APBA2: variants seen among roughly 807,000 people sequenced by gnomAD.
APBA2 encodes the protein amyloid-beta A4 precursor protein-binding family A member 2.
APBA2 carries 30 observed loss-of-function variants against 75.0 expected under a neutral mutation model. That is an observed-to-expected ratio of 0.40 (90% CI 0.30 to 0.54). The LOEUF (loss-of-function observed/expected upper bound fraction) is 0.54, where lower values mean the gene tolerates loss of function less well. Ranked by LOEUF, APBA2 falls within the 20% of genes least tolerant of loss-of-function variation. The pLI, the probability that APBA2 is intolerant of heterozygous loss-of-function variation, is 0.49. For synonymous variants in APBA2, 444 were observed against 409.6 expected, an observed-to-expected ratio of 1.08 and a Z score of -1.01; for missense variants, 801 against 1,016.1, an observed-to-expected ratio of 0.79 and a Z score of 2.88.
At chr15:28,896,980 T>C (rs971816335) in intron 1 of APBA2, among the ~76,000 whole-genome samples, 2 of 152,108 alleles carry the variant, frequency 1.3e-5, no homozygotes, top group African/African-American at 4.8e-5. Flanking sequence ...CCATTACGGG[T>C]GTTCAAGGTC....
intron 2 of APBA2, among the ~76,000 whole-genome samples, chr15:28,981,370 G>C (rs988461135): frequency 6.6e-6 from 1 of 152,110 alleles, no homozygotes; most frequent in African/African-American, 2.4e-5. Flanking sequence ...CTTCTCAAAA[G>C]AAAACAGGTA....
chr15:29,040,767 C>G (rs1014309487), intron 3 of APBA2, among the ~76,000 whole-genome samples: 7 of 152,192 alleles, frequency 4.6e-5, no homozygotes, highest in Non-Finnish European at 7.4e-5. Context: ...CATATTAAAG[C>G]GATCTGGGAT....
intron 4 of APBA2, among the ~76,000 whole-genome samples, chr15:29,074,258 T>C (rs1254859331): frequency 6.6e-6 from 1 of 152,174 alleles, no homozygotes; most frequent in Non-Finnish European, 1.5e-5. Flanking sequence ...CATCAATAGA[T>C]GACTGGATAA....
rs1358417006 is a variant in APBA2 at position 29,046,648 on chromosome 15, C to T, written c.-40-7197C>T. Among the ~76,000 whole-genome samples the T allele has an allele frequency of 6.6e-6, 1 of 152,230 alleles. No homozygotes were observed. Among genetic ancestry groups the T allele is most frequent in the Non-Finnish European group, 1.5e-5 (1 of 68,040 alleles). ...CTGCAGCTCTAGACCTGGCCTTTGGCCCACAACCTTGGAATCTTGGGCCAT... is the reference window on the plus strand; with the variant it reads ...CTGCAGCTCTAGACCTGGCCTTTGGTCCACAACCTTGGAATCTTGGGCCAT... On this transcript the variant is annotated intron_variant, in intron 3 of 14. Coordinates refer to ENST00000683413, the MANE Select transcript of APBA2 (RefSeq NM_001353788.2). This position sits in a 1 kb window ranked among gnomAD's most constrained non-coding sequence, Gnocchi z 5.0.
rs1478055902 is a variant in APBA2 at position 29,003,978 on chromosome 15, C to G, written c.-41+8172C>G. On this transcript the variant is annotated intron_variant, in intron 3 of 14. Transcript: ENST00000683413. ...GTCAGTACCTCAAAAAGACCACACT[C>G]TTGATAACACGTGGGGGCTCCAGGA... 2.0e-5 allele frequency among the ~76,000 whole-genome samples: 3 copies of G among 152,224 alleles called. No individual in the cohort carries two copies. In the South Asian group the frequency reaches 6.2e-4, roughly 31 times the overall value.
At chr15:29,092,005 A>C (rs2043596838) in intron 6 of APBA2, among the ~76,000 whole-genome samples, 1 of 152,198 alleles carries the variant, frequency 6.6e-6, no homozygotes, top group African/African-American at 2.4e-5. Flanking sequence ...CATGGCCAAC[A>C]TGGGTCTGAG....
chr15:29,075,569 C>G (rs1478355280), intron 5 of APBA2, among the ~76,000 whole-genome samples: 2 of 152,182 alleles, frequency 1.3e-5, no homozygotes, highest in Admixed American at 6.5e-5. Context: ...AACCACTGTT[C>G]TAAATCAACA....
intron 2 of APBA2, among the ~76,000 whole-genome samples, chr15:28,943,753 TCCAGCCCTGGCTC>T (rs2035373650): frequency 6.6e-6 from 1 of 152,122 alleles, no homozygotes; most frequent in African/African-American, 2.4e-5. Context: ...CCCTGGCTCC[TCCAGCCCTGGCTC>T]CTCCAGCCCT....
intron 4 of APBA2, chr15:29,071,221 C>T (rs550083804): frequency 5.1e-5 from 19 of 370,526 alleles, no homozygotes; most frequent in African/African-American, 3.0e-4. Context: ...GCTTTAGTTT[C>T]ACCACCTGGA....
chr15:28,974,968 A>G (rs2037257743), intron 2 of APBA2, among the ~76,000 whole-genome samples: 1 of 152,176 alleles, frequency 6.6e-6, no homozygotes, highest in African/African-American at 2.4e-5. Flanking sequence ...ACTACATCCT[A>G]GAAAAAGAAT....
chr15:29,097,284 A>G (rs1404071177), intron 8 of APBA2, among the ~76,000 whole-genome samples: 1 of 152,278 alleles, frequency 6.6e-6, no homozygotes, highest in East Asian at 1.9e-4. Context: ...GGTCAGCCAG[A>G]GGGCCTTGCT....
intron 1 of APBA2, among the ~76,000 whole-genome samples, chr15:28,896,661 C>T (rs1479857005): frequency 1.3e-5 from 2 of 152,148 alleles, no homozygotes; most frequent in Admixed American, 6.5e-5. Flanking sequence ...CTGCCTGGCT[C>T]GCCTGTCATG....
intron 1 of APBA2, among the ~76,000 whole-genome samples, chr15:28,899,005 T>G (rs978880062): frequency 6.6e-6 from 1 of 152,262 alleles, no homozygotes; most frequent in African/African-American, 2.4e-5. Flanking sequence ...GAAGCTGTGC[T>G]TTTAAAGAAA....
intron 14 of APBA2, among the ~76,000 whole-genome samples, chr15:29,114,658 T>G (rs749492667): frequency 1.3e-5 from 2 of 148,524 alleles, no homozygotes; most frequent in Non-Finnish European, 3.0e-5. Flanking sequence ...TGGGATGTGA[T>G]GTATGAGTGT....
chr15:28,953,787 C>T (rs1474435212), intron 2 of APBA2, among the ~76,000 whole-genome samples: 3 of 152,144 alleles, frequency 2.0e-5, no homozygotes, highest in African/African-American at 7.2e-5. Flanking sequence ...CTTACTGACC[C>T]GTGAGTGTCA....
chr15:28,947,866 A>AAATTTTC (rs1465876626), intron 2 of APBA2, among the ~76,000 whole-genome samples: 111 of 152,318 alleles, frequency 7.3e-4, no homozygotes, highest in African/African-American at 2.6e-3. Context: ...GGAAATTTTC[A>AAATTTTC]AAACTGACTA....
rs2041758218 is a variant in APBA2 at position 29,054,197 on chromosome 15, C to T, written c.313C>T (p.Pro105Ser). ...EGITYYIRYC[P>S]EDDSYLEGMD... ...CATCACCTACTACATCCGCTACTGCCCTGAGGACGACAGCTACCTAGAGGG... is the reference window on the plus strand; with the variant it reads ...CATCACCTACTACATCCGCTACTGCTCTGAGGACGACAGCTACCTAGAGGG... The change falls in exon 4 of 15, where the codon CCT (proline) becomes TCT (serine). Residue 105 changes from proline to serine, a missense_variant. Pro to Ser is a moderately conservative substitution (Grantham distance 74). This residue lies in a region of APBA2 where 434 missense variants were observed against 471.6 expected (regional missense o/e 0.92). Coordinates refer to ENST00000683413, the MANE Select transcript of APBA2 (RefSeq NM_001353788.2). The surrounding 1 kb of genome is among the most constrained non-coding windows in gnomAD (Gnocchi z 6.1). 1 of 1,614,068 alleles carries T rather than the reference C, an allele frequency of 6.2e-7. No individual in the cohort carries two copies. The highest frequency in any genetic ancestry group is 1.3e-5 in the African/African-American group (1 of 74,922).
chr15:28,923,911 C>T (rs2034114544), intron 2 of APBA2, among the ~76,000 whole-genome samples: 1 of 152,266 alleles, frequency 6.6e-6, no homozygotes, highest in Non-Finnish European at 1.5e-5. Flanking sequence ...GCTGCCTCAG[C>T]ACTTCGTCTG....
chr15:29,010,504 C>T (rs1456410801), intron 3 of APBA2, among the ~76,000 whole-genome samples: 1 of 152,148 alleles, frequency 6.6e-6, no homozygotes, highest in African/African-American at 2.4e-5. Flanking sequence ...GTGATCCGCC[C>T]AACTCGGCCT....
Sources: gnomAD v4.1 joint callset for allele counts (sites outside exome capture counted in the v4.1 genomes callset) on GRCh38, gnomAD v4.1.1 for gene constraint, gnomAD v4.1.1 regional missense constraint, Gnocchi (gnomAD v3.1) non-coding constraint, MANE v1.5 for transcripts, NCBI Gene and HGNC (gene_info 2026-07-23, HGNC 2026-07-21) for gene names.